PRKAG2: variants seen among roughly 807,000 people sequenced by gnomAD.
The protein encoded by PRKAG2 is protein kinase AMP-activated non-catalytic subunit gamma 2, also known as 5'-AMP-activated protein kinase subunit gamma-2.
A neutral mutation model predicts 69.6 loss-of-function variants in PRKAG2; 26 were observed. The ratio of observed to expected loss-of-function variants is 0.37; its 90% confidence interval spans 0.27 to 0.52. The LOEUF is 0.52. PRKAG2 is among the 20% of genes least tolerant of loss of function. The probability of loss-of-function intolerance (pLI) is 0.90; values close to 1 mark genes in which losing one functional copy is unlikely to be tolerated. For synonymous variants in PRKAG2, 293 were observed against 285.0 expected, an observed-to-expected ratio of 1.03 and a Z score of -0.28; for missense variants, 557 against 740.0, an observed-to-expected ratio of 0.75 and a Z score of 2.87.
intron 3 of PRKAG2, among the ~76,000 whole-genome samples, chr7:151,754,202 T>C (rs2074909922): frequency 6.6e-6 from 1 of 152,154 alleles, no homozygotes; most frequent in Non-Finnish European, 1.5e-5. Context: ...TCCCAAATAA[T>C]AACAGCCTGG....
Position 151,793,503 on chromosome 7 carries a change from C to T in PRKAG2, c.115-6962G>A, listed in dbSNP as rs139373946. Among the ~76,000 whole-genome samples, 217 of 152,356 alleles carry T rather than the reference C, an allele frequency of 1.4e-3. 2 individuals are homozygous for T. The highest frequency in any genetic ancestry group is 5.0e-3 in the African/African-American group (209 of 41,578). On this transcript the variant is annotated intron_variant, in intron 1 of 15. Coordinates refer to ENST00000287878, the MANE Select transcript of PRKAG2 (RefSeq NM_016203.4). ...GGGTTCTATCAGACGCCCAGTGACC[C>T]CGGGAAAGCTGCGTGTGGCATCTCC... is the stretch of plus-strand genomic sequence containing the variant.
intron 1 of PRKAG2, among the ~76,000 whole-genome samples, chr7:151,853,650 C>G (rs1042110444): frequency 6.6e-6 from 1 of 151,572 alleles, no homozygotes; most frequent in African/African-American, 2.4e-5. Flanking sequence ...GTCCCAGCTA[C>G]TCCGGAGGCT....
rs192378889 is a variant in PRKAG2 at position 151,863,079 on chromosome 7, G to A, written c.114+13428C>T. On this transcript the variant is annotated intron_variant, in intron 1 of 15. Coordinates refer to ENST00000287878, the MANE Select transcript of PRKAG2 (RefSeq NM_016203.4). ...GGGCGCTGGTAGATCCCTGGGTGCA[G>A]GGGGCGCTGGTAGGTCCCCGGGTGC... Among the ~76,000 whole-genome samples, 617 of 151,524 alleles carry A rather than the reference G, an allele frequency of 4.1e-3. 4 individuals are homozygous for A. The highest frequency in any genetic ancestry group is 0.014 in the African/African-American group (595 of 41,232).
At chr7:151,745,507 G>A (rs571189627) in intron 3 of PRKAG2, among the ~76,000 whole-genome samples, 10 of 152,208 alleles carry the variant, frequency 6.6e-5, no homozygotes, top group African/African-American at 2.4e-4. Flanking sequence ...ACGTCAGCCC[G>A]ACACACTCAT....
chr7:151,637,267 C>G (rs752110155), intron 4 of PRKAG2, among the ~76,000 whole-genome samples: 2 of 152,052 alleles, frequency 1.3e-5, no homozygotes, highest in Non-Finnish European at 2.9e-5. Context: ...TGGAGTGAGC[C>G]AAGGTACACA....
At position 151,828,078 on chromosome 7, in the gene PRKAG2, G is replaced by T. The variant is rs2078948187; in HGVS notation, c.115-41537C>A. ...GGAGGAATCCCAAGTGGATCCAGGT[G>T]CACTGGGCCACCCATTCACCCAGCA... On this transcript the variant is annotated intron_variant, in intron 1 of 15. Transcript: ENST00000287878. This position sits in a 1 kb window ranked among gnomAD's most constrained non-coding sequence, Gnocchi z 4.6. 1.3e-5 allele frequency among the ~76,000 whole-genome samples: 2 copies of T among 152,248 alleles called. No homozygotes were observed. The highest frequency in any genetic ancestry group is 2.4e-5 in the African/African-American group (1 of 41,462).
At chr7:151,852,731 A>G (rs879828527) in intron 1 of PRKAG2, among the ~76,000 whole-genome samples, 1 of 151,974 alleles carries the variant, frequency 6.6e-6, no homozygotes, top group Non-Finnish European at 1.5e-5. Flanking sequence ...AAGTGCTCCC[A>G]TCCTACAGAG....
chr7:151,560,792 G>A (rs1804775151), intron 14 of PRKAG2, among the ~76,000 whole-genome samples, 175 bp from the exon 15 acceptor site: 1 of 152,318 alleles, frequency 6.6e-6, no homozygotes, highest in African/African-American at 2.4e-5. Context: ...GTGTGCTGGT[G>A]TGCACCTGTG....
Position 151,777,485 on chromosome 7 carries a change from T to C in PRKAG2, c.466+3667A>G, listed in dbSNP as rs1355270887. On this transcript the variant is annotated intron_variant, in intron 3 of 15. Coordinates refer to ENST00000287878, the MANE Select transcript of PRKAG2 (RefSeq NM_016203.4). This position sits in a 1 kb window ranked among gnomAD's most constrained non-coding sequence, Gnocchi z 4.3. The stretch of plus-strand genomic sequence containing the variant: ...GCCTCCCTGCGGCAGTGAGTCCTGC[T>C]CTCTTAGCTGGGTGCTTTAAAGACT... Among the ~76,000 whole-genome samples, 1 of 152,174 alleles carries C rather than the reference T, an allele frequency of 6.6e-6. No individual in the cohort carries two copies. The highest frequency in any genetic ancestry group is 1.5e-5 in the Non-Finnish European group (1 of 68,024).
intron 3 of PRKAG2, among the ~76,000 whole-genome samples, chr7:151,721,094 G>T (rs1296784604): frequency 2.7e-5 from 4 of 150,744 alleles, no homozygotes; most frequent in Non-Finnish European, 5.9e-5. Flanking sequence ...GACACAGAGG[G>T]CAGAGGGGGA....
In PRKAG2 at chr7:151,586,469, C is replaced by T. The variant is rs551274187; in HGVS notation, c.864+8876G>A. The stretch of plus-strand genomic sequence containing the variant: ...TTTATCTCTGGCCTCCGAAATCAGA[C>T]CTCTTCTCCGCAACTCCTCCAATAT... On this transcript the variant is annotated intron_variant, in intron 6 of 15. Coordinates refer to ENST00000287878, the MANE Select transcript of PRKAG2 (RefSeq NM_016203.4). Among the ~76,000 whole-genome samples the T allele has an allele frequency of 1.2e-4, 18 of 152,302 alleles. No individual in the cohort carries two copies. In the South Asian group the frequency reaches 1.2e-3, roughly 11 times the overall value.
chr7:151,816,902 C>T (rs144675380), intron 1 of PRKAG2, among the ~76,000 whole-genome samples: 18 of 152,236 alleles, frequency 1.2e-4, no homozygotes, highest in African/African-American at 3.4e-4. Context: ...AAATGGGCTC[C>T]GTCGTCTAAA....
At chr7:151,730,060 A>C (rs1019999384) in intron 3 of PRKAG2, among the ~76,000 whole-genome samples, 1 of 152,334 alleles carries the variant, frequency 6.6e-6, no homozygotes, top group South Asian at 2.1e-4. Flanking sequence ...AGACAGTTTC[A>C]GCTGTGAGTG....
In PRKAG2 at chr7:151,814,624, G is replaced by A. The variant is rs979378142; in HGVS notation, c.115-28083C>T. 23 of 1,231,678 alleles carry A rather than the reference G, an allele frequency of 1.9e-5. No homozygotes were observed. Among genetic ancestry groups the A allele is most frequent in the African/African-American group, 6.2e-5 (4 of 64,426 alleles). 76.3% of individuals were successfully genotyped at this position (1,231,678 alleles called of 1,614,324 possible). A position where few individuals can be genotyped will look rare whatever the true frequency, so the allele number is the denominator to read the frequency against. ...AATTTCTAGGGTTCGGCTGTGCTCCGAGCTGCTGCCACTGCATGTCTGCAA... is the reference window on the plus strand; with the variant it reads ...AATTTCTAGGGTTCGGCTGTGCTCCAAGCTGCTGCCACTGCATGTCTGCAA... On this transcript the variant is annotated intron_variant, in intron 1 of 15. Coordinates refer to ENST00000287878, the MANE Select transcript of PRKAG2 (RefSeq NM_016203.4). The surrounding 1 kb of genome is among the most constrained non-coding windows in gnomAD (Gnocchi z 4.8).
chr7:151,718,281 G>GC (rs914521421), intron 3 of PRKAG2, among the ~76,000 whole-genome samples: 2 of 151,960 alleles, frequency 1.3e-5, no homozygotes, highest in Non-Finnish European at 1.5e-5. Flanking sequence ...TGGGTGGAGG[G>GC]GGGGGTAGAG....
intron 5 of PRKAG2, among the ~76,000 whole-genome samples, chr7:151,623,849 C>T (rs1331285295): frequency 6.6e-6 from 1 of 151,982 alleles, no homozygotes; most frequent in African/African-American, 2.4e-5. Context: ...CTAGAGAAGT[C>T]AACGTGAAGA....
At chr7:151,839,195 C>T (rs899042000) in intron 1 of PRKAG2, among the ~76,000 whole-genome samples, 13 of 152,172 alleles carry the variant, frequency 8.5e-5, no homozygotes, top group Admixed American at 7.9e-4. Context: ...TCCTAGAAAA[C>T]CACATCTTTT....
chr7:151,759,198 G>T (rs192511302), intron 3 of PRKAG2, among the ~76,000 whole-genome samples: 1 of 152,216 alleles, frequency 6.6e-6, no homozygotes, highest in Non-Finnish European at 1.5e-5. Flanking sequence ...TCCTGCCTCC[G>T]GACATTTGCA....
intron 1 of PRKAG2, among the ~76,000 whole-genome samples, chr7:151,799,762 G>A (rs2077735396): frequency 6.6e-6 from 1 of 152,170 alleles, no homozygotes; most frequent in Admixed American, 6.5e-5. Flanking sequence ...CAGGTCAGGA[G>A]AAGGTGTCTG....
Sources: allele counts gnomAD v4.1 joint callset (sites outside exome capture counted in the v4.1 genomes callset), GRCh38; gene constraint gnomAD v4.1.1; non-coding constraint Gnocchi (gnomAD v3.1); transcripts MANE v1.5; gene names NCBI Gene and HGNC (gene_info 2026-07-23, HGNC 2026-07-21).